Variants in RASAL2 observed in about 807,000 individuals in gnomAD.
RASAL2 encodes the protein RAS protein activator like 2.
RASAL2 carries 58 observed loss-of-function variants against 128.9 expected under a neutral mutation model. The ratio of observed to expected loss-of-function variants is 0.45; its 90% CI spans 0.36 to 0.56. RASAL2 has a LOEUF of 0.56. Ranked by LOEUF, RASAL2 falls within the 20% of genes least tolerant of loss-of-function variation. The pLI is 0.00. For synonymous variants in RASAL2, 561 were observed against 580.8 expected (o/e 0.97, Z 0.49); for missense variants, 1,360 against 1,601.6 (o/e 0.85, Z 2.57).
At chr1:178,169,272 G>A (rs1661624948) in intron 1 of RASAL2, among the ~76,000 whole-genome samples, 1 of 151,994 alleles carries the variant, frequency 6.6e-6, no homozygotes, top group Non-Finnish European at 1.5e-5. Context: ...CTCTATGATT[G>A]ACAAGTTGTA....
At position 178,476,104 on chromosome 1, in the gene RASAL2, T is replaced by C. The variant is rs1480775992; in HGVS notation, c.*2865T>C. ...AGGTACATGGCTGAAGAGAGGCAAATAGATTAAGATAGCAATGTCTTGCAC... is the reference window on the plus strand; with the variant it reads ...AGGTACATGGCTGAAGAGAGGCAAACAGATTAAGATAGCAATGTCTTGCAC... On this transcript the variant is annotated 3_prime_UTR_variant, in exon 18 of 18. Coordinates refer to ENST00000367649, the MANE Select transcript of RASAL2 (RefSeq NM_170692.4). The C allele has an allele frequency of 2.6e-5, 4 of 152,278 alleles. No homozygotes were observed. In the East Asian group the frequency reaches 7.7e-4, roughly 29 times the overall value. The allele number at this position is 152,278 out of a possible 1,614,324, so 9.4% of individuals were successfully genotyped here.
rs60835442 is a variant in RASAL2 at position 178,373,274 on chromosome 1, CTTT to C, written c.458-16813_458-16811del. 3.1e-3 allele frequency among the ~76,000 whole-genome samples: 187 copies of C among 60,068 alleles called. 15 individuals are homozygous for C. The highest frequency in any genetic ancestry group is 0.013 in the African/African-American group (179 of 13,486). 39.4% of individuals were successfully genotyped at this position (60,068 alleles called of 152,430 possible). ...TCAATCTTAGCATTCTGTTTCTTTC[CTTT>C]TTTTTTTTTTTTGCAGTTTAGATGT... On this transcript the variant is annotated intron_variant, in intron 3 of 17. Transcript: ENST00000367649.
intron 1 of RASAL2, among the ~76,000 whole-genome samples, chr1:178,183,244 A>C (rs146026107): frequency 7.7e-4 from 118 of 152,322 alleles, no homozygotes; most frequent in Admixed American, 1.8e-3. Context: ...CTTCAGTAAG[A>C]TTGTTTCACA....
chr1:178,241,559 A>G (rs540194649), intron 1 of RASAL2, among the ~76,000 whole-genome samples: 55 of 152,294 alleles, frequency 3.6e-4, no homozygotes, highest in African/African-American at 1.3e-3. Context: ...CTGATCTGAT[A>G]TCTCTATCCA....
intron 3 of RASAL2, among the ~76,000 whole-genome samples, chr1:178,307,214 T>G (rs994284332): frequency 3.9e-5 from 6 of 152,048 alleles, no homozygotes; most frequent in African/African-American, 7.2e-5. Flanking sequence ...CTAGATTTTC[T>G]TAAGCAATGT....
At chr1:178,194,463 G>A (rs1053756134) in intron 1 of RASAL2, 1 of 203,658 alleles carries the variant, frequency 4.9e-6, no homozygotes, top group East Asian at 1.2e-4. Context: ...CTTGCCTCTG[G>A]AAGTACAGGA....
chr1:178,327,385 A>G (rs1273563435), intron 3 of RASAL2, among the ~76,000 whole-genome samples: 1 of 151,918 alleles, frequency 6.6e-6, no homozygotes, highest in Non-Finnish European at 1.5e-5. Flanking sequence ...TTACTCTGTC[A>G]CCCAGGCTGG....
At chr1:178,425,689 A>G (rs1242138388) in intron 5 of RASAL2, among the ~76,000 whole-genome samples, 4 of 152,198 alleles carry the variant, frequency 2.6e-5, no homozygotes, top group Non-Finnish European at 5.9e-5. Flanking sequence ...TAGAGCTCCA[A>G]CCATAACATA....
chr1:178,183,787 G>T (rs1021001223), intron 1 of RASAL2, among the ~76,000 whole-genome samples: 1 of 152,184 alleles, frequency 6.6e-6, no homozygotes, highest in African/African-American at 2.4e-5. Context: ...GTGGGTTTCT[G>T]TGTGGACATA....
chr1:178,108,587 A>G (rs1357907832), intron 1 of RASAL2, among the ~76,000 whole-genome samples: 1 of 152,210 alleles, frequency 6.6e-6, no homozygotes, highest in Admixed American at 6.5e-5. Flanking sequence ...ACAGAAAGCA[A>G]GTGGCTGATG....
chr1:178,467,448 G>A (rs1168092751), intron 17 of RASAL2, 27 bp downstream of exon 17: 2 of 1,586,236 alleles, frequency 1.3e-6, no homozygotes, highest in East Asian at 4.5e-5. Flanking sequence ...TCTAATAGAA[G>A]GCACTTGTTT....
chr1:178,443,153 C>G lies in RASAL2; in HGVS notation c.1406C>G (p.Pro469Arg). ...NYTMLCSVLE[P>R]VISVRNKEEL... ...ACCATGCTGTGTTCTGTCCTTGAGC[C>G]AGTAATTAGTGTGAGAAATAAAGAG... The change falls in exon 8 of 18, where the codon CCA becomes CGA. Residue 469 changes from proline to arginine, a missense_variant. This residue lies in a region of RASAL2 where 617 missense variants were observed against 714.2 expected (regional missense o/e 0.86). Transcript: ENST00000367649. 1 of 1,613,728 alleles carries G rather than the reference C, an allele frequency of 6.2e-7. No individual in the cohort carries two copies. The highest frequency in any genetic ancestry group is 8.5e-7 in the Non-Finnish European group (1 of 1,179,746).
intron 1 of RASAL2, among the ~76,000 whole-genome samples, chr1:178,158,781 G>C (rs1302427095): frequency 6.6e-6 from 1 of 152,082 alleles, no homozygotes; most frequent in Non-Finnish European, 1.5e-5. Flanking sequence ...TATGTAAATG[G>C]ACTTCTCTCT....
chr1:178,454,286 T>C (rs1677605402), intron 11 of RASAL2, among the ~76,000 whole-genome samples, 161 bp from the exon 12 acceptor site: 2 of 151,842 alleles, frequency 1.3e-5, no homozygotes, highest in South Asian at 4.2e-4. Flanking sequence ...AAAGTGATAT[T>C]AAGAAAGTAT....
chr1:178,262,757 A>C (rs1665757304), intron 1 of RASAL2, among the ~76,000 whole-genome samples: 1 of 149,594 alleles, frequency 6.7e-6, no homozygotes, highest in African/African-American at 2.5e-5. Flanking sequence ...TATTAAAAAG[A>C]TTTTTTTCTC....
intron 1 of RASAL2, among the ~76,000 whole-genome samples, chr1:178,111,150 T>C (rs181098505): frequency 6.6e-6 from 1 of 152,368 alleles, no homozygotes; most frequent in East Asian, 1.9e-4. Flanking sequence ...CCATCGATAT[T>C]CTACAATTGT....
At chr1:178,174,639 GTTA>G (rs987670098) in intron 1 of RASAL2, among the ~76,000 whole-genome samples, 4 of 152,120 alleles carry the variant, frequency 2.6e-5, no homozygotes, top group African/African-American at 7.2e-5. Context: ...TTGGAGATGA[GTTA>G]TTATTAGGTC....
At chr1:178,430,212 GT>G (rs1380499478) in intron 5 of RASAL2, among the ~76,000 whole-genome samples, 1 of 152,026 alleles carries the variant, frequency 6.6e-6, no homozygotes, top group East Asian at 1.9e-4. Context: ...TATGGTCTAT[GT>G]GGATATGACA....
At chr1:178,386,618 A>G (rs879900985) in intron 3 of RASAL2, among the ~76,000 whole-genome samples, 2 of 152,014 alleles carry the variant, frequency 1.3e-5, no homozygotes, top group African/African-American at 4.8e-5. Context: ...TTGCCTTTCA[A>G]TCTGAAGATG....
Sources: gnomAD v4.1 joint callset for allele counts (sites outside exome capture counted in the v4.1 genomes callset) on GRCh38, gnomAD v4.1.1 for gene constraint, gnomAD v4.1.1 regional missense constraint, MANE v1.5 for transcripts, NCBI Gene and HGNC (gene_info 2026-07-23, HGNC 2026-07-21) for gene names.